The following OPCML variants were observed in gnomAD, a reference collection of about 807,000 sequenced individuals.
OPCML encodes the protein opioid-binding protein/cell adhesion molecule.
A neutral mutation model predicts 37.8 loss-of-function variants in OPCML; 13 were observed. That is an observed-to-expected ratio of 0.34 (90% confidence interval 0.22 to 0.55). The LOEUF is 0.55. Among genes scored for constraint, OPCML ranks in the 20% least tolerant of loss-of-function variants. OPCML has a pLI of 0.91. For synonymous variants in OPCML, 176 were observed against 168.8 expected (o/e 1.04, Z -0.33); for missense variants, 341 against 435.6 (o/e 0.78, Z 1.93).
At chr11:133,128,624 A>T (rs1041581286) in intron 1 of OPCML, among the ~76,000 whole-genome samples, 2 of 152,184 alleles carry the variant, frequency 1.3e-5, no homozygotes, top group African/African-American at 4.8e-5. Flanking sequence ...GGAGCCTCAG[A>T]TGCCATAGCT....
chr11:132,643,855 G>C (rs1205801302), intron 3 of OPCML, among the ~76,000 whole-genome samples: 1 of 152,126 alleles, frequency 6.6e-6, no homozygotes, highest in African/African-American at 2.4e-5. Flanking sequence ...TTTGCTAATT[G>C]TAAATCACAT....
chr11:133,213,223 GTTTTT>G (rs35872459), intron 1 of OPCML, among the ~76,000 whole-genome samples: 2 of 126,400 alleles, frequency 1.6e-5, no homozygotes, highest in African/African-American at 2.9e-5. Context: ...TTCATAATGA[GTTTTT>G]TTTTTTTTTT....
At chr11:133,096,426 A>C (rs925725005) in intron 1 of OPCML, among the ~76,000 whole-genome samples, 3 of 152,098 alleles carry the variant, frequency 2.0e-5, no homozygotes, top group African/African-American at 7.2e-5. Flanking sequence ...AAAATGCTGA[A>C]TTAAAAACAC....
intron 1 of OPCML, among the ~76,000 whole-genome samples, chr11:133,190,271 A>G (rs2891030): frequency 0.14 from 20,606 of 152,236 alleles, 1,613 homozygotes; most frequent in Middle Eastern, 0.19. Flanking sequence ...GCAAGGCAGT[A>G]TGTGCAAGTA....
rs150384730 is a variant in OPCML at position 133,532,300 on chromosome 11, C to A, written c.25G>T (p.Val9Phe). 7.4e-5 allele frequency: 120 copies of A among 1,613,996 alleles called. No homozygotes were observed. In the African/African-American group the frequency reaches 1.4e-3, roughly 18 times the overall value. The change falls in exon 1 of 8, where the codon GTC (valine) becomes TTC (phenylalanine). Residue 9 changes from valine to phenylalanine, a missense_variant. Transcript: ENST00000524381. ...AGCAGGGCAGTTGTCGCCGAGAAGA[C>A]GACCCAGTAGGCAGGATGGTACATC... The part of the protein sequence containing the change: MYHPAYWV[V>F]FSATTALLFI...
chr11:132,592,115 A>G (rs187110871), intron 3 of OPCML, among the ~76,000 whole-genome samples: 3 of 152,392 alleles, frequency 2.0e-5, no homozygotes, highest in Admixed American at 6.5e-5. Context: ...CTATACGAAG[A>G]GCAATATCAA....
intron 3 of OPCML, among the ~76,000 whole-genome samples, chr11:132,570,664 TA>T (rs962473478): frequency 3.4e-5 from 5 of 145,426 alleles, no homozygotes; most frequent in South Asian, 4.4e-4. Context: ...TAATAGTAAA[TA>T]AAAAACACAT....
chr11:133,109,895 A>G (rs1250274018), intron 1 of OPCML, among the ~76,000 whole-genome samples: 1 of 152,232 alleles, frequency 6.6e-6, no homozygotes, highest in African/African-American at 2.4e-5. Flanking sequence ...CCATAAACCT[A>G]GAGGAGATAG....
chr11:132,575,916 A>G (rs1193526618), intron 3 of OPCML, among the ~76,000 whole-genome samples: 1 of 152,054 alleles, frequency 6.6e-6, no homozygotes, highest in Admixed American at 6.6e-5. Flanking sequence ...CAGGCATAGT[A>G]ATCTTGATTG....
At chr11:132,527,270 A>T (rs2096310936) in intron 4 of OPCML, among the ~76,000 whole-genome samples, 1 of 152,212 alleles carries the variant, frequency 6.6e-6, no homozygotes, top group Admixed American at 6.6e-5. Context: ...GCTGGGTCGT[A>T]CGCTAAGTGT....
At chr11:132,808,304 G>A (rs1187221391) in intron 2 of OPCML, among the ~76,000 whole-genome samples, 1 of 152,232 alleles carries the variant, frequency 6.6e-6, no homozygotes, top group Admixed American at 6.5e-5. Context: ...TGCCTGGTCT[G>A]TCTTGATGCG....
rs79132114 is a variant in OPCML at position 132,849,572 on chromosome 11, A to G, written c.146+93354T>C. Among the ~76,000 whole-genome samples the G allele has an allele frequency of 7.7e-4, 118 of 152,352 alleles. 1 individual carries two copies. In the East Asian group the frequency reaches 0.021, roughly 28 times the overall value. Reference sequence around the variant, plus strand: ...GGGTATATGGAGGGCCAGGATGATGAAGATGCTGTTATTTTATACTGAGGA... The same window carrying G: ...GGGTATATGGAGGGCCAGGATGATGGAGATGCTGTTATTTTATACTGAGGA... On this transcript the variant is annotated intron_variant, in intron 2 of 7. Coordinates refer to ENST00000524381, the MANE Select transcript of OPCML (RefSeq NM_001012393.5).
At chr11:132,800,638 A>C (rs892203702) in intron 2 of OPCML, among the ~76,000 whole-genome samples, 2 of 152,158 alleles carry the variant, frequency 1.3e-5, no homozygotes, top group Admixed American at 6.5e-5. Context: ...GGTTTTGTCA[A>C]ATGTTTTGCC....
chr11:132,663,699 G>A (rs374741070), intron 2 of OPCML, among the ~76,000 whole-genome samples: 2 of 152,236 alleles, frequency 1.3e-5, no homozygotes, highest in African/African-American at 4.8e-5. Flanking sequence ...CCAAGCGCTA[G>A]AATGAGCCAC....
chr11:133,002,888 C>G (rs1345906679), intron 1 of OPCML, among the ~76,000 whole-genome samples: 1 of 152,130 alleles, frequency 6.6e-6, no homozygotes, highest in African/African-American at 2.4e-5. Context: ...TTGGAGACTT[C>G]TTAGCACCAC....
At chr11:132,646,368 G>T (rs1255680922) in intron 3 of OPCML, among the ~76,000 whole-genome samples, 5 of 152,204 alleles carry the variant, frequency 3.3e-5, no homozygotes, top group African/African-American at 1.2e-4. Flanking sequence ...TTTGGCCCTG[G>T]ATTGCTCAGC....
intron 1 of OPCML, chr11:133,421,344 A>G (rs1945881707): frequency 2.4e-5 from 24 of 985,412 alleles, no homozygotes; most frequent in Non-Finnish European, 2.7e-5. Context: ...ACAGGAAATG[A>G]TTACAAGCCA....
chr11:133,464,445 G>T (rs537878126), intron 1 of OPCML, among the ~76,000 whole-genome samples: 3 of 152,296 alleles, frequency 2.0e-5, no homozygotes, highest in Non-Finnish European at 4.4e-5. Flanking sequence ...TTTGAGAAGA[G>T]AAATGTGGGG....
intron 2 of OPCML, among the ~76,000 whole-genome samples, chr11:132,734,001 A>G (rs1945170379): frequency 6.6e-6 from 1 of 152,224 alleles, no homozygotes; most frequent in Non-Finnish European, 1.5e-5. Context: ...TGAGTAAATT[A>G]CTTAAATTTT....
Sources: gnomAD v4.1 joint callset for allele counts (sites outside exome capture counted in the v4.1 genomes callset) on GRCh38, gnomAD v4.1.1 for gene constraint, MANE v1.5 for transcripts, NCBI Gene and HGNC (gene_info 2026-07-23, HGNC 2026-07-21) for gene names.